TMC3: variants seen among roughly 807,000 people sequenced by gnomAD.
TMC3 encodes transmembrane channel-like protein 3.
Under a neutral mutation model 110.6 loss-of-function variants are expected in TMC3, and 98 were observed. That is an observed-to-expected ratio of 0.89 (90% CI 0.75 to 1.05). TMC3 has a LOEUF of 1.05. Among genes scored for constraint, TMC3 ranks in the 50% least tolerant of loss-of-function variants. The pLI, the probability that TMC3 is intolerant of heterozygous loss-of-function variation, is 0.00. For missense variants in TMC3, 1,319 were observed against 1,373.2 expected (o/e 0.96, Z 0.62); for synonymous variants, 489 against 513.1 (o/e 0.95, Z 0.63).
chr15:81,362,392 C>CTGGTAT, intron 3 of TMC3, 91 bp from the exon 4 acceptor site: 3 of 939,162 alleles, frequency 3.2e-6, no homozygotes, highest in Non-Finnish European at 5.0e-6. Flanking sequence ...GTATACCAGA[C>CTGGTAT]ACTCCCTCTG....
At chr15:81,337,815 T>C (rs1567061153) in intron 19 of TMC3, 31 bp downstream of exon 19, 1 of 1,583,346 alleles carries the variant, frequency 6.3e-7, no homozygotes, top group Non-Finnish European at 8.7e-7. Context: ...TTGACACATA[T>C]TCATAATAGC....
rs1424018488 is a variant in TMC3, at chr15:81,341,385, C to A, written c.1844+5G>T. ...TCTGCATGATCAGATCTTATTCTTA[C>A]TCACCTTGAGGCTCGAAATACTTGC... On this transcript the variant is annotated splice_donor_5th_base_variant and intron_variant, in intron 16 of 21. Transcript: ENST00000359440. The A allele has an allele frequency of 1.2e-6, 2 of 1,607,814 alleles. No homozygotes were observed. Among genetic ancestry groups the A allele is most frequent in the Non-Finnish European group, 1.7e-6 (2 of 1,176,822 alleles).
Position 81,344,957 on chromosome 15 carries a change from C to CA in TMC3, c.1326dup (p.Ala443CysfsTer7). 1 of 1,609,492 alleles carries CA rather than the reference C, an allele frequency of 6.2e-7. No homozygotes were observed. The highest frequency in any genetic ancestry group is 1.1e-5 in the South Asian group (1 of 89,950). On this transcript the variant is annotated frameshift_variant, in exon 13 of 22. Coordinates refer to ENST00000359440, the MANE Select transcript of TMC3 (RefSeq NM_001080532.3). LOFTEE classifies it high-confidence loss of function. ...TCTTCTTCAGGGGCTGTCCTGGTTG[C>CA]AAAGAAGGTGGTGGAATCTATCCAA...
At position 81,344,862 on chromosome 15, in the gene TMC3, G is replaced by A; in HGVS notation, c.1422C>T (p.Ser474=). 1 of 1,613,976 alleles carries A rather than the reference G, an allele frequency of 6.2e-7. No homozygotes were observed. Residue 474 remains serine, a synonymous_variant, in exon 13 of 22, where the codon AGC becomes AGT. Coordinates refer to ENST00000359440, the MANE Select transcript of TMC3 (RefSeq NM_001080532.3). ...RNNTWALEET[S]ISAYTMPLIK... is the part of the protein sequence containing the mutation. ...TAAGAGGCATGGTATAAGCTGAAAT[G>A]CTGGTCTCTTCCAAGGCCCATGTGT...
At chr15:81,370,995 T>TC (rs750582292) in intron 2 of TMC3, among the ~76,000 whole-genome samples, 1 of 152,010 alleles carries the variant, frequency 6.6e-6, no homozygotes, top group Non-Finnish European at 1.5e-5. Context: ...CTTTTTTTTT[T>TC]AAAGAGTAAT....
intron 20 of TMC3, among the ~76,000 whole-genome samples, 195 bp from the exon 21 acceptor site, chr15:81,335,170 T>C (rs114272953): frequency 0.016 from 2,462 of 152,266 alleles, 67 homozygotes; most frequent in African/African-American, 0.055. Flanking sequence ...AAGTTGGAGC[T>C]GGGAGTGTAG....
At chr15:81,338,058 T>A (rs377535255) in intron 18 of TMC3, 134 bp from the exon 19 acceptor site, 4 of 692,458 alleles carry the variant, frequency 5.8e-6, no homozygotes, top group African/African-American at 1.8e-5. Flanking sequence ...GACCCTCCGC[T>A]AAGGACAAAA....
rs571273121 is a variant in TMC3 at position 81,336,597 on chromosome 15, G to A, written c.2203+12C>T. On this transcript the variant is annotated intron_variant, in intron 20 of 21. Transcript: ENST00000359440. ...CAAAAAAACAACAACAAAAAGAAAC[G>A]GAAATACTTACCTTCTACCATCTGG... is the stretch of plus-strand genomic sequence containing the variant. 316 of 1,613,318 alleles carry A rather than the reference G, an allele frequency of 2.0e-4. 4 individuals are homozygous for A. The South Asian group carries it at 3.1e-3, about 16-fold the overall frequency.
rs1458295027 is a variant in TMC3, at chr15:81,334,892, C to T, written c.2287G>A (p.Gly763Ser). The T allele has an allele frequency of 5.6e-6, 9 of 1,613,986 alleles. No homozygotes were observed. Among genetic ancestry groups the T allele is most frequent in the Non-Finnish European group, 6.8e-6 (8 of 1,179,890 alleles). The change falls in exon 21 of 22, where the codon GGC (glycine) becomes AGC (serine). Residue 763 changes from glycine to serine, a missense_variant. Physicochemically the swap from Gly to Ser is moderately conservative, Grantham distance 56. Coordinates refer to ENST00000359440, the MANE Select transcript of TMC3 (RefSeq NM_001080532.3). ...ACGTTGCCGTTGTTTTGGGGTGTGC[C>T]CGAGTGCGCTGAGGACAGCTGGCTG... ...LTSQLSSAHS[G>S]TPQNNGNVAH...
At chr15:81,373,021 A>G (rs187545007) in intron 1 of TMC3, among the ~76,000 whole-genome samples, 4 of 152,290 alleles carry the variant, frequency 2.6e-5, no homozygotes, top group Admixed American at 6.5e-5. Flanking sequence ...GGTGCATGAT[A>G]TTATCAGAAA....
At chr15:81,345,864 G>A (rs1166098085) in intron 12 of TMC3, among the ~76,000 whole-genome samples, 1 of 151,608 alleles carries the variant, frequency 6.6e-6, no homozygotes, top group African/African-American at 2.4e-5. Flanking sequence ...GCAACAAAGC[G>A]AGACCCTGTC....
At chr15:81,336,739 C>T in intron 19 of TMC3, 88 bp from the exon 20 acceptor site, 1 of 1,349,140 alleles carries the variant, frequency 7.4e-7, no homozygotes, top group Non-Finnish European at 1.1e-6. Context: ...AAAAGATTTA[C>T]ATGCCATAGT....
intron 15 of TMC3, chr15:81,342,913 C>T (rs534770236): frequency 3.9e-4 from 70 of 178,690 alleles, no homozygotes; most frequent in Non-Finnish European, 6.8e-4. Context: ...GGGTGGCGAG[C>T]GAGGACAGAC....
At chr15:81,368,427 C>T (rs1349165018) in intron 2 of TMC3, 99 bp from the exon 3 acceptor site, 1 of 830,254 alleles carries the variant, frequency 1.2e-6, no homozygotes, top group East Asian at 2.6e-5. Context: ...CCATCTTGTC[C>T]TGAAAAATGA....
At chr15:81,339,767 A>C (rs1421892220) in intron 16 of TMC3, among the ~76,000 whole-genome samples, 1 of 152,174 alleles carries the variant, frequency 6.6e-6, no homozygotes, top group African/African-American at 2.4e-5. Context: ...GTTCACCTCA[A>C]ACCATAAAAG....
intron 15 of TMC3, 87 bp downstream of exon 15, chr15:81,343,191 A>G: frequency 1.3e-6 from 1 of 751,614 alleles, no homozygotes; most frequent in Non-Finnish European, 2.4e-6. Flanking sequence ...TAACTGTGTT[A>G]TGGTCGTGTC....
intron 1 of TMC3, among the ~76,000 whole-genome samples, chr15:81,373,781 A>C (rs1894489356): frequency 6.6e-6 from 1 of 152,180 alleles, no homozygotes; most frequent in African/African-American, 2.4e-5. Context: ...CCTCCTGGTC[A>C]AGAAGCAGCC....
At position 81,336,778 on chromosome 15, in the gene TMC3, A is replaced by G. The variant is rs113001429; in HGVS notation, c.2161-127T>C. ...TACCTTGGACCATAACTGTACTACTATTGCCCCCTATGGACGGTATGCTCT... is the reference window on the plus strand; with the variant it reads ...TACCTTGGACCATAACTGTACTACTGTTGCCCCCTATGGACGGTATGCTCT... On this transcript the variant is annotated intron_variant, in intron 19 of 21. Coordinates refer to ENST00000359440, the MANE Select transcript of TMC3 (RefSeq NM_001080532.3). The G allele has an allele frequency of 7.1e-5, 66 of 927,112 alleles. 1 individual carries two copies. The highest frequency in any genetic ancestry group is 5.7e-4 in the African/African-American group (35 of 61,232). The allele number at this position is 927,112 out of a possible 1,614,324, so 57.4% of individuals were successfully genotyped here. A position where few individuals can be genotyped will look rare whatever the true frequency, so the allele number is the denominator to read the frequency against.
intron 7 of TMC3, among the ~76,000 whole-genome samples, 188 bp downstream of exon 7, chr15:81,357,961 G>T (rs943424973): frequency 2.0e-5 from 3 of 152,256 alleles, no homozygotes; most frequent in African/African-American, 7.2e-5. Flanking sequence ...AATGGATACA[G>T]TTATGCCTTA....
Sources: gnomAD v4.1 joint callset for allele counts (sites outside exome capture counted in the v4.1 genomes callset) on GRCh38, gnomAD v4.1.1 for gene constraint, MANE v1.5 for transcripts, NCBI Gene and HGNC (gene_info 2026-07-23, HGNC 2026-07-21) for gene names.